Variants in BBOF1 observed in about 807,000 individuals in gnomAD.
BBOF1 encodes basal body orientation factor 1, also known as basal body-orientation factor 1.
A neutral mutation model predicts 68.0 loss-of-function variants in BBOF1; 62 were observed. That is an observed-to-expected ratio of 0.91 (90% CI 0.74 to 1.13). BBOF1 has a LOEUF of 1.13. BBOF1 is among the 50% of genes most tolerant of loss of function. The pLI is 0.00. For missense variants in BBOF1, 534 were observed against 600.1 expected (o/e 0.89, Z 1.15); for synonymous variants, 208 against 198.8 (o/e 1.05, Z -0.39).
At chr14:74,067,997 TAAA>T (rs35503985), downstream of BBOF1, among the ~76,000 whole-genome samples, 2 of 132,956 alleles carry the variant, frequency 1.5e-5, no homozygotes, top group Admixed American at 7.5e-5. Context: ...AGAGCAATGT[TAAA>T]AAAAAAAAAA....
chr14:74,066,870 A>G (rs1417402277), downstream of BBOF1: 2 of 1,613,934 alleles, frequency 1.2e-6, no homozygotes, highest in African/African-American at 1.3e-5. Flanking sequence ...GGCCAAGATC[A>G]GCTCCAGGCT....
intron 10 of BBOF1, 78 bp from the exon 11 acceptor site, chr14:74,057,066 A>G: frequency 6.3e-7 from 1 of 1,593,832 alleles, no homozygotes; most frequent in South Asian, 1.1e-5. Flanking sequence ...TGAAAGTAAT[A>G]TGACAAGTCT....
intron 3 of BBOF1, among the ~76,000 whole-genome samples, chr14:74,030,855 T>G (rs184863790): frequency 3.0e-3 from 452 of 151,548 alleles, no homozygotes; most frequent in African/African-American, 8.4e-3. Context: ...TTTTATCCTC[T>G]CTTTAAAAAA....
chr14:74,032,156 C>T (rs1033182985), intron 3 of BBOF1, among the ~76,000 whole-genome samples: 48 of 128,640 alleles, frequency 3.7e-4, no homozygotes, highest in Admixed American at 7.2e-4. Context: ...GACAGAGTCT[C>T]GCTCTTGTCT....
At chr14:74,071,498 C>T (rs1159551651) in intron 9 of BBOF1, 1 of 1,613,800 alleles carries the variant, frequency 6.2e-7, no homozygotes, top group Non-Finnish European at 8.5e-7. Flanking sequence ...TCAACCACCT[C>T]TGGAACACAG....
At chr14:74,039,595 ATTTTTT>A (rs35078321) in intron 4 of BBOF1, among the ~76,000 whole-genome samples, 1 of 145,052 alleles carries the variant, frequency 6.9e-6, no homozygotes. Context: ...CGCCTGGCTA[ATTTTTT>A]TTTTTTTTGT....
chr14:74,036,851 G>A (rs1269251661), intron 4 of BBOF1, among the ~76,000 whole-genome samples: 1 of 151,668 alleles, frequency 6.6e-6, no homozygotes, highest in Admixed American at 6.6e-5. Flanking sequence ...CACCCAAAAT[G>A]AGTATTCATT....
At chr14:74,072,894 G>A (rs888100435) in intron 9 of BBOF1, among the ~76,000 whole-genome samples, 3 of 151,798 alleles carry the variant, frequency 2.0e-5, no homozygotes, top group Non-Finnish European at 4.4e-5. Flanking sequence ...CTGATTCCCG[G>A]GTTCGAGCAA....
Position 74,035,584 on chromosome 14 carries a change from A to ATT in BBOF1, c.495+1440_495+1441dup, listed in dbSNP as rs71460945. Among the ~76,000 whole-genome samples, 238 of 81,384 alleles carry ATT rather than the reference A, an allele frequency of 2.9e-3. 11 individuals are homozygous for ATT. The highest frequency in any genetic ancestry group is 5.6e-3 in the South Asian group (10 of 1,800). 53.4% of individuals were successfully genotyped at this position (81,384 alleles called of 152,430 possible). A position where few individuals can be genotyped will look rare whatever the true frequency, so the allele number is the denominator to read the frequency against. On this transcript the variant is annotated intron_variant, in intron 4 of 11. Coordinates refer to ENST00000394009, the MANE Select transcript of BBOF1 (RefSeq NM_025057.3). Reference sequence around the variant, plus strand: ...AGGCGTGCACCACCACCCCCAGCTAATTTTTTTTTTTTTTTTTTTTTTTTT... The same window carrying ATT: ...AGGCGTGCACCACCACCCCCAGCTAATTTTTTTTTTTTTTTTTTTTTTTTTTT...
intron 10 of BBOF1, among the ~76,000 whole-genome samples, chr14:74,079,813 C>T (rs1038270432): frequency 5.3e-5 from 8 of 152,070 alleles, no homozygotes; most frequent in Non-Finnish European, 1.2e-4. Flanking sequence ...AAATGATCTG[C>T]CCACCTTGGC....
Position 74,033,990 on chromosome 14 carries a change from TC to T in BBOF1, c.352-37del, listed in dbSNP as rs772195194. The stretch of plus-strand genomic sequence containing the variant: ...AAACATGACTTTGTGGGACTTCTGT[TC>T]TTTTTCCTAACTCGTTTACCTCTTT... On this transcript the variant is annotated intron_variant, in intron 3 of 11. Coordinates refer to ENST00000394009, the MANE Select transcript of BBOF1 (RefSeq NM_025057.3). 91 of 1,548,114 alleles carry T rather than the reference TC, an allele frequency of 5.9e-5. No homozygotes were observed. The African/African-American group carries it at 1.1e-3, about 19-fold the overall frequency.
chr14:74,028,782 C>T (rs2059497851), intron 2 of BBOF1, among the ~76,000 whole-genome samples: 1 of 151,778 alleles, frequency 6.6e-6, no homozygotes, highest in Non-Finnish European at 1.5e-5. Flanking sequence ...CATCTCGGCT[C>T]ACTGCAACCT....
intron 11 of BBOF1, chr14:74,060,647 G>T (rs367863044): frequency 1.2e-6 from 2 of 1,607,144 alleles, no homozygotes; most frequent in Admixed American, 1.7e-5. Context: ...TGTTTCTAAC[G>T]GCCCATGGTA....
At chr14:74,057,426 G>T in intron 11 of BBOF1, 168 bp downstream of exon 11, 1 of 1,511,622 alleles carries the variant, frequency 6.6e-7, no homozygotes, top group Non-Finnish European at 8.8e-7. Context: ...AGCAATATCC[G>T]TACAAATGCA....
intron 11 of BBOF1, among the ~76,000 whole-genome samples, chr14:74,062,087 C>T (rs920588621): frequency 5.8e-4 from 69 of 118,824 alleles, no homozygotes; most frequent in Non-Finnish European, 1.0e-3. Context: ...AAAAGCTGGG[C>T]GTGGTGGAGC....
chr14:74,033,970 T>C, intron 3 of BBOF1, 58 bp from the exon 4 acceptor site: 2 of 1,429,586 alleles, frequency 1.4e-6, no homozygotes, highest in Non-Finnish European at 1.9e-6. Context: ...AAATGAAACA[T>C]GACTTTGTGG....
downstream of BBOF1, among the ~76,000 whole-genome samples, chr14:74,068,388 G>GA (rs3082879): frequency 1.1e-3 from 172 of 150,724 alleles, 1 homozygote; most frequent in African/African-American, 4.1e-3. Flanking sequence ...CAAAAAAAAA[G>GA]AAAAAAAGTG....
chr14:74,074,141 C>T (rs763773340), intron 9 of BBOF1, among the ~76,000 whole-genome samples: 9 of 151,628 alleles, frequency 5.9e-5, no homozygotes, highest in African/African-American at 1.9e-4. Flanking sequence ...CGCACCACCA[C>T]GCCTGGCTAA....
At chr14:74,060,249 T>C (rs1055785914) in intron 11 of BBOF1, 7 of 201,776 alleles carry the variant, frequency 3.5e-5, no homozygotes, top group African/African-American at 1.6e-4. Context: ...ATCTGCCCAC[T>C]GTGGCCTCCC....
Sources: allele counts gnomAD v4.1 joint callset (sites outside exome capture counted in the v4.1 genomes callset), GRCh38; gene constraint gnomAD v4.1.1; transcripts MANE v1.5; gene names NCBI Gene and HGNC (gene_info 2026-07-23, HGNC 2026-07-21).